The following CNTN5 variants were observed in gnomAD, a reference collection of about 807,000 sequenced individuals.
CNTN5 encodes contactin-5.
A neutral mutation model predicts 129.1 loss-of-function variants in CNTN5; 77 were observed. That is an observed-to-expected ratio of 0.60 (90% CI 0.50 to 0.72). The LOEUF (loss-of-function observed/expected upper bound fraction) is 0.72. Ranked by LOEUF, CNTN5 falls within the 30% of genes least tolerant of loss-of-function variation. CNTN5 has a pLI of 0.00. For synonymous variants in CNTN5, 509 were observed against 465.6 expected (o/e 1.09, Z -1.20); for missense variants, 1,478 against 1,328.8 (o/e 1.11, Z -1.75).
At chr11:99,796,310 T>C (rs376849603) in intron 3 of CNTN5, among the ~76,000 whole-genome samples, 4 of 152,146 alleles carry the variant, frequency 2.6e-5, no homozygotes, top group Admixed American at 2.0e-4. Context: ...CCGGCACTCA[T>C]AGCGTGGTGG....
At chr11:99,192,993 A>G (rs187112205) in intron 1 of CNTN5, among the ~76,000 whole-genome samples, 1 of 152,228 alleles carries the variant, frequency 6.6e-6, no homozygotes, top group Admixed American at 6.5e-5. Flanking sequence ...TGAGAAAAAC[A>G]AAGTGATAAT....
chr11:100,173,018 G>T (rs904825251), intron 13 of CNTN5, among the ~76,000 whole-genome samples: 1 of 151,970 alleles, frequency 6.6e-6, no homozygotes, highest in Non-Finnish European at 1.5e-5. Flanking sequence ...ATAAGGTAGG[G>T]GAGGTCAGAT....
chr11:99,689,335 G>A (rs1365527893), intron 3 of CNTN5, among the ~76,000 whole-genome samples: 2 of 151,780 alleles, frequency 1.3e-5, no homozygotes, highest in African/African-American at 2.4e-5. Flanking sequence ...AGACCATCCT[G>A]GCTAACACAG....
At chr11:99,082,632 G>C (rs916263747) in intron 1 of CNTN5, among the ~76,000 whole-genome samples, 3 of 152,190 alleles carry the variant, frequency 2.0e-5, no homozygotes, top group Non-Finnish European at 2.9e-5. Context: ...TCTTTGGCCT[G>C]TGAGTTTAGG....
intron 13 of CNTN5, among the ~76,000 whole-genome samples, chr11:100,142,785 A>G (rs1444190360): frequency 6.6e-6 from 1 of 151,964 alleles, no homozygotes; most frequent in African/African-American, 2.4e-5. Flanking sequence ...AAGTACTTAT[A>G]TGTGAATAAG....
Position 100,274,862 on chromosome 11 carries a change from C to T in CNTN5, c.2314+3621C>T, listed in dbSNP as rs190570020. On this transcript the variant is annotated intron_variant, in intron 18 of 24. Transcript: ENST00000524871. ...AAGACCTAAAAACAGAAAAAACATT[C>T]GACCCGATACTCCCATTACTGGGTA... is the stretch of plus-strand genomic sequence containing the variant. 3.2e-3 allele frequency among the ~76,000 whole-genome samples: 494 copies of T among 152,258 alleles called. 8 individuals are homozygous for T. The highest frequency in any genetic ancestry group is 0.011 in the African/African-American group (464 of 41,560).
At chr11:99,384,987 A>G (rs533089013) in intron 2 of CNTN5, among the ~76,000 whole-genome samples, 101 of 152,320 alleles carry the variant, frequency 6.6e-4, no homozygotes, top group African/African-American at 2.4e-3. Flanking sequence ...TGATTAAAAA[A>G]TAAAAATCAT....
At chr11:100,242,062 T>A (rs532580219) in intron 16 of CNTN5, among the ~76,000 whole-genome samples, 3 of 152,314 alleles carry the variant, frequency 2.0e-5, no homozygotes, top group Admixed American at 2.0e-4. Context: ...ACACTCAAAA[T>A]AAAATCCAAG....
chr11:100,185,412 C>A (rs1035559837), intron 13 of CNTN5, among the ~76,000 whole-genome samples: 2 of 152,118 alleles, frequency 1.3e-5, no homozygotes, highest in Admixed American at 6.6e-5. Context: ...AAGAGACTGA[C>A]CCCTAAGAAC....
chr11:100,294,740 G>A (rs1405878850), intron 18 of CNTN5, among the ~76,000 whole-genome samples: 2 of 151,516 alleles, frequency 1.3e-5, no homozygotes, highest in Non-Finnish European at 3.0e-5. Flanking sequence ...TGTGCTTCTA[G>A]CAAGAATTAT....
chr11:99,470,221 T>G (rs1945119804), intron 2 of CNTN5, among the ~76,000 whole-genome samples: 1 of 152,186 alleles, frequency 6.6e-6, no homozygotes, highest in African/African-American at 2.4e-5. Flanking sequence ...CCACTGAATC[T>G]TTGCCAAATT....
At chr11:99,630,667 C>T (rs77474355) in intron 3 of CNTN5, among the ~76,000 whole-genome samples, 7,396 of 152,108 alleles carry the variant, frequency 0.049, 252 homozygotes, top group Middle Eastern at 0.078. Context: ...TGCTGGAGTT[C>T]GCAATTTACT....
intron 3 of CNTN5, among the ~76,000 whole-genome samples, chr11:99,625,970 T>C (rs1195599277): frequency 6.6e-6 from 1 of 151,812 alleles, no homozygotes; most frequent in East Asian, 1.9e-4. Context: ...TTAGGATTAA[T>C]ATGTATTCTC....
intron 1 of CNTN5, among the ~76,000 whole-genome samples, chr11:99,141,578 C>G (rs1432059108): frequency 1.3e-5 from 2 of 151,942 alleles, no homozygotes; most frequent in East Asian, 1.9e-4. Flanking sequence ...TCTAGTTCCT[C>G]TTGGGATGAT....
intron 1 of CNTN5, among the ~76,000 whole-genome samples, chr11:99,283,708 A>G (rs777309534): frequency 6.6e-6 from 1 of 152,156 alleles, no homozygotes; most frequent in Non-Finnish European, 1.5e-5. Context: ...GCTGTAGGAA[A>G]CAAAATGTGA....
At chr11:99,198,857 A>G (rs547550156) in intron 1 of CNTN5, among the ~76,000 whole-genome samples, 4 of 152,286 alleles carry the variant, frequency 2.6e-5, no homozygotes, top group Admixed American at 2.0e-4. Flanking sequence ...AACATGATAG[A>G]AACTTTAAGA....
intron 3 of CNTN5, among the ~76,000 whole-genome samples, chr11:99,741,316 G>A (rs1268578326): frequency 6.6e-6 from 1 of 151,976 alleles, no homozygotes; most frequent in Non-Finnish European, 1.5e-5. Flanking sequence ...AACTATATTT[G>A]TCCAATTCAG....
chr11:100,141,058 T>G (rs969376117), intron 13 of CNTN5, among the ~76,000 whole-genome samples: 5 of 152,004 alleles, frequency 3.3e-5, no homozygotes, highest in African/African-American at 9.7e-5. Flanking sequence ...AACAAAATGG[T>G]CGAGGAAAAA....
At chr11:99,511,132 T>G (rs184474982) in intron 2 of CNTN5, among the ~76,000 whole-genome samples, 7 of 152,260 alleles carry the variant, frequency 4.6e-5, no homozygotes, top group Middle Eastern at 3.4e-3. Context: ...AAAATATTTT[T>G]GTAGGGTGTC....
Sources: gnomAD v4.1 joint callset for allele counts (sites outside exome capture counted in the v4.1 genomes callset) on GRCh38, gnomAD v4.1.1 for gene constraint, MANE v1.5 for transcripts, NCBI Gene and HGNC (gene_info 2026-07-23, HGNC 2026-07-21) for gene names.